BSN: variants seen among roughly 807,000 people sequenced by gnomAD.
BSN encodes protein bassoon.
A neutral mutation model predicts 264.8 loss-of-function variants in BSN; 57 were observed. The ratio of observed to expected loss-of-function variants is 0.22; its 90% CI spans 0.17 to 0.27. The LOEUF (loss-of-function observed/expected upper bound fraction) is 0.27, where lower values mean the gene tolerates loss of function less well. BSN is among the 10% of genes least tolerant of loss of function. BSN has a pLI of 1.00. For missense variants in BSN, 4,615 were observed against 5,232.5 expected (o/e 0.88, Z 3.64); for synonymous variants, 2,059 against 2,137.3 (o/e 0.96, Z 1.01).
intron 1 of BSN, among the ~76,000 whole-genome samples, chr3:49,593,042 G>A (rs1197377458): frequency 6.6e-6 from 1 of 152,114 alleles, no homozygotes. Flanking sequence ...TATTCACCTC[G>A]TTTTGCCCAA....
intron 2 of BSN, among the ~76,000 whole-genome samples, chr3:49,628,647 C>G (rs1008945470): frequency 3.3e-5 from 5 of 152,192 alleles, no homozygotes; most frequent in African/African-American, 1.2e-4. Context: ...TTCTGAGTGC[C>G]TAGAGCATGT....
At chr3:49,616,487 G>C (rs2108050472) in intron 1 of BSN, among the ~76,000 whole-genome samples, 1 of 152,352 alleles carries the variant, frequency 6.6e-6, no homozygotes, top group Admixed American at 6.5e-5. Context: ...CTCTGACTTA[G>C]AGAAACAGTT....
At position 49,625,134 on chromosome 3, in the gene BSN, G is replaced by A. The variant is rs140793525; in HGVS notation, c.384G>A (p.Thr128=). 25 of 1,592,994 alleles carry A rather than the reference G, an allele frequency of 1.6e-5. No homozygotes were observed. The African/African-American group carries it at 1.9e-4, about 12-fold the overall frequency. ...AGGAGGCTGATGGTCCCCGCAGGAC[G>A]CTGCAGGTAGACAGCAGGACACAGA... ...AGQEADGPRR[T]LQVDSRTQRS... Residue 128 remains threonine (T), a synonymous_variant, in exon 2 of 12, where the codon ACG becomes ACA. Transcript: ENST00000296452. The surrounding 1 kb of genome is among the most constrained non-coding windows in gnomAD (Gnocchi z 4.4).
chr3:49,599,425 T>C (rs2052053432), intron 1 of BSN, among the ~76,000 whole-genome samples: 1 of 152,092 alleles, frequency 6.6e-6, no homozygotes, highest in Non-Finnish European at 1.5e-5. Context: ...CTGCCTCTCT[T>C]GGGGTGAAAT....
At chr3:49,649,848 C>T (rs1269266375) in intron 3 of BSN, among the ~76,000 whole-genome samples, 1 of 152,200 alleles carries the variant, frequency 6.6e-6, no homozygotes, top group Non-Finnish European at 1.5e-5. Context: ...GAATTTGATC[C>T]CAGTCCAGCT....
intron 1 of BSN, among the ~76,000 whole-genome samples, chr3:49,560,304 T>C (rs9858280): frequency 0.3 from 45,430 of 152,066 alleles, 7,284 homozygotes; most frequent in Middle Eastern, 0.32. Flanking sequence ...CTGTGGGCCA[T>C]GTGCAGTAAG....
chr3:49,613,597 C>T (rs753585534), intron 1 of BSN, among the ~76,000 whole-genome samples: 9 of 151,468 alleles, frequency 5.9e-5, no homozygotes, highest in East Asian at 1.9e-4. Flanking sequence ...TGAGTTCAAG[C>T]GATTCTTCTG....
At chr3:49,600,123 C>T (rs994553258) in intron 1 of BSN, among the ~76,000 whole-genome samples, 2 of 152,068 alleles carry the variant, frequency 1.3e-5, no homozygotes, top group East Asian at 1.9e-4. Flanking sequence ...AATGGTGGGT[C>T]GATGATTCCC....
rs561828315 is a variant in BSN, at chr3:49,631,308, C to A, written c.633+5925C>A. On this transcript the variant is annotated intron_variant, in intron 2 of 11. Coordinates refer to ENST00000296452, the MANE Select transcript of BSN (RefSeq NM_003458.4). Reference sequence around the variant, plus strand: ...TGGTGGCTCACACCTGTAATCCCAACACTTTGAGCAGCTGAGGTGGGCAGA... The same window carrying A: ...TGGTGGCTCACACCTGTAATCCCAAAACTTTGAGCAGCTGAGGTGGGCAGA... 2.0e-5 allele frequency among the ~76,000 whole-genome samples: 3 copies of A among 152,142 alleles called. No individual in the cohort carries two copies. In the East Asian group the frequency reaches 5.8e-4, roughly 29 times the overall value.
rs780571113 is a variant in BSN at position 49,655,467 on chromosome 3, C to T, written c.5911C>T (p.Pro1971Ser). Reference sequence around the variant, plus strand: ...GCCTGGGCCCCATGAGGAGCAGAGGCCCTACCCACAAGGCCTGCCTGGTAG... The same window carrying T: ...GCCTGGGCCCCATGAGGAGCAGAGGTCCTACCCACAAGGCCTGCCTGGTAG... ...VGPGPHEEQR[P>S]YPQGLPGRLY... Residue 1971 changes from proline (P) to serine (S), a missense_variant, in exon 5 of 12, where the codon CCC becomes TCC. By Grantham distance (74) the Pro-to-Ser change is moderately conservative. Transcript: ENST00000296452. 3 of 1,582,946 alleles carry T rather than the reference C, an allele frequency of 1.9e-6. No individual in the cohort carries two copies.
intron 3 of BSN, among the ~76,000 whole-genome samples, chr3:49,643,576 C>T (rs2052484442): frequency 6.6e-6 from 1 of 152,170 alleles, no homozygotes; most frequent in Non-Finnish European, 1.5e-5. Flanking sequence ...GGTTGCGTCC[C>T]ACATCCAGGG....
rs2052612204 is a variant in BSN, at chr3:49,657,163, C to A, written c.7607C>A (p.Ser2536Ter). 6.2e-7 allele frequency: 1 copy of A among 1,613,214 alleles called. No individual in the cohort carries two copies. Among genetic ancestry groups the A allele is most frequent in the Non-Finnish European group, 8.5e-7 (1 of 1,180,036 alleles). The change falls in exon 5 of 12, where the codon TCA becomes TAA. Residue 2536 changes from serine (S) to a stop codon, truncating the protein, a stop_gained. Transcript: ENST00000296452. LOFTEE classifies it high-confidence loss of function. ...VLHRGLPSSA[S>*]DMSLQTEEQW... Reference sequence around the variant, plus strand: ...CACCGGGGTCTCCCCAGCTCTGCCTCAGACATGTCACTGCAAACGGAGGAG... The same window carrying A: ...CACCGGGGTCTCCCCAGCTCTGCCTAAGACATGTCACTGCAAACGGAGGAG...
At position 49,660,938 on chromosome 3, in the gene BSN, G is replaced by T; in HGVS notation, c.9093G>T (p.Gln3031His). 4 of 1,612,042 alleles carry T rather than the reference G, an allele frequency of 2.5e-6. No homozygotes were observed. The highest frequency in any genetic ancestry group is 3.4e-6 in the Non-Finnish European group (4 of 1,180,008). The change falls in exon 6 of 12, where the codon CAG (glutamine) becomes CAT (histidine). Residue 3031 changes from glutamine to histidine, a missense_variant. Gln to His is a conservative substitution (Grantham distance 24). Around this residue, in one of 3 missense-constraint regions of BSN, gnomAD observed 3,415 missense variants for 3,866.4 expected, o/e 0.88. Coordinates refer to ENST00000296452, the MANE Select transcript of BSN (RefSeq NM_003458.4). The surrounding 1 kb of genome is among the most constrained non-coding windows in gnomAD (Gnocchi z 7.1). ...AGGGCTGCACCACTCCCGCTGGCCA[G>T]TTTGTGGACTTCCCTGCCACTGCCG... is the stretch of plus-strand genomic sequence containing the variant. ...RLQGCTTPAG[Q>H]FVDFPATAAA...
rs1425356568 is a variant in BSN, at chr3:49,653,949, C to T, written c.4393C>T (p.Gln1465Ter). ...GAGTGACGGTGAGGGTGGCACTCCT[C>T]AGCCTTCCCGGGCATATTCCTACTT... ...SASDGEGGTP[Q>*]PSRAYSYFAS... The change falls in exon 5 of 12, where the codon CAG (glutamine) becomes TAG (stop). Residue 1465 changes from glutamine (Q) to a stop codon, truncating the protein, a stop_gained. Transcript: ENST00000296452. LOFTEE classifies it high-confidence loss of function. This position sits in a 1 kb window ranked among gnomAD's most constrained non-coding sequence, Gnocchi z 6.3. The T allele has an allele frequency of 6.2e-7, 1 of 1,614,152 alleles. No homozygotes were observed. Among genetic ancestry groups the T allele is most frequent in the Non-Finnish European group, 8.5e-7 (1 of 1,180,030 alleles).
At chr3:49,557,358 A>G (rs1311182637) in intron 1 of BSN, among the ~76,000 whole-genome samples, 1 of 152,158 alleles carries the variant, frequency 6.6e-6, no homozygotes, top group Non-Finnish European at 1.5e-5. Flanking sequence ...TCACTCGTTA[A>G]TTCATTTACT....
rs1462431416 is a variant in BSN, at chr3:49,643,146, G to A, written c.1512G>A (p.Leu504=). 2 of 1,607,160 alleles carry A rather than the reference G, an allele frequency of 1.2e-6. No individual in the cohort carries two copies. Among genetic ancestry groups the A allele is most frequent in the East Asian group, 2.2e-5 (1 of 44,732 alleles). The part of the protein sequence containing the change: ...NLCGFNPTPH[L]VEKTEWLCLN... Reference sequence around the variant, plus strand: ...GTGGCTTCAACCCAACACCCCACCTGGTGGAGGTAAGAGCTGGACCAAGCA... The same window carrying A: ...GTGGCTTCAACCCAACACCCCACCTAGTGGAGGTAAGAGCTGGACCAAGCA... The change falls in exon 3 of 12, where the codon CTG becomes CTA. Residue 504 remains leucine (L), a synonymous_variant. Coordinates refer to ENST00000296452, the MANE Select transcript of BSN (RefSeq NM_003458.4).
chr3:49,630,342 G>A (rs2052375741), intron 2 of BSN, among the ~76,000 whole-genome samples: 2 of 152,248 alleles, frequency 1.3e-5, no homozygotes, highest in Admixed American at 1.3e-4. Flanking sequence ...CAGGTGGCAG[G>A]CCCTTCAGGA....
At chr3:49,589,380 G>C (rs1415636524) in intron 1 of BSN, among the ~76,000 whole-genome samples, 3 of 152,086 alleles carry the variant, frequency 2.0e-5, no homozygotes, top group African/African-American at 7.2e-5. Flanking sequence ...AATTCCGTCA[G>C]TTTTGCATCA....
intron 3 of BSN, among the ~76,000 whole-genome samples, chr3:49,646,175 T>A (rs9838096): frequency 0.035 from 5,381 of 152,278 alleles, 317 homozygotes; most frequent in African/African-American, 0.12. Context: ...CCTTTTGAAC[T>A]TTCCTCTGAA....
Sources: gnomAD v4.1 joint callset for allele counts (sites outside exome capture counted in the v4.1 genomes callset) on GRCh38, gnomAD v4.1.1 for gene constraint, gnomAD v4.1.1 regional missense constraint, Gnocchi (gnomAD v3.1) non-coding constraint, MANE v1.5 for transcripts, NCBI Gene and HGNC (gene_info 2026-07-23, HGNC 2026-07-21) for gene names.